The following STK39 variants were observed in gnomAD, a reference collection of about 807,000 sequenced individuals.
The protein encoded by STK39 is serine/threonine kinase 39, also known as STE20/SPS1-related proline-alanine-rich protein kinase.
Under a neutral mutation model 77.8 loss-of-function variants are expected in STK39, and 20 were observed. The observed-to-expected ratio is 0.26, with a 90% CI of 0.18 to 0.37. The LOEUF is 0.37. Among genes scored for constraint, STK39 ranks in the 10% least tolerant of loss-of-function variants. The pLI, the probability that STK39 is intolerant of heterozygous loss-of-function variation, is 1.00. For synonymous variants in STK39, 246 were observed against 234.1 expected (o/e 1.05, Z -0.47); for missense variants, 479 against 656.5 (o/e 0.73, Z 2.95).
chr2:167,967,960 C>T (rs1412720150), intron 16 of STK39, among the ~76,000 whole-genome samples: 1 of 147,972 alleles, frequency 6.8e-6, no homozygotes, highest in Non-Finnish European at 1.5e-5. Flanking sequence ...CTTCCCCCCT[C>T]AAGTAGGCCC....
At chr2:168,092,909 T>C (rs1422553613) in intron 10 of STK39, among the ~76,000 whole-genome samples, 4 of 152,208 alleles carry the variant, frequency 2.6e-5, no homozygotes, top group Non-Finnish European at 4.4e-5. Flanking sequence ...GGCTACGCAC[T>C]CCCAGGGTAC....
At chr2:168,045,854 G>C (rs1460675849) in intron 14 of STK39, among the ~76,000 whole-genome samples, 5 of 152,122 alleles carry the variant, frequency 3.3e-5, no homozygotes, top group Admixed American at 3.3e-4. Flanking sequence ...ATGGGGAAGG[G>C]GTAAAGAATG....
At chr2:168,029,535 T>C (rs1684781445) in intron 14 of STK39, among the ~76,000 whole-genome samples, 1 of 152,184 alleles carries the variant, frequency 6.6e-6, no homozygotes, top group Non-Finnish European at 1.5e-5. Flanking sequence ...AGTGATGGCA[T>C]TTCTGCTGGG....
rs116406927 is a variant in STK39 at position 168,018,174 on chromosome 2, C to G, written c.1377-1079G>C. 4.1e-3 allele frequency among the ~76,000 whole-genome samples: 627 copies of G among 152,178 alleles called. 10 individuals carry two copies. Among genetic ancestry groups the G allele is most frequent in the African/African-American group, 0.013 (548 of 41,530 alleles). On this transcript the variant is annotated intron_variant, in intron 14 of 17. Coordinates refer to ENST00000355999, the MANE Select transcript of STK39 (RefSeq NM_013233.3). ...AAAATATTATAAGTATCAACAGATG[C>G]TAGAATTAAGGTTAATAAAAACATC...
intron 14 of STK39, among the ~76,000 whole-genome samples, chr2:168,037,800 C>T (rs549446357): frequency 8.5e-5 from 13 of 152,136 alleles, no homozygotes; most frequent in South Asian, 8.3e-4. Flanking sequence ...AGTGATGGTC[C>T]GATGGGTAAT....
chr2:168,016,040 G>A (rs969059141), intron 15 of STK39, among the ~76,000 whole-genome samples: 2 of 152,136 alleles, frequency 1.3e-5, no homozygotes, highest in African/African-American at 4.8e-5. Context: ...TGATTCTCTT[G>A]CCTCAGCCTC....
intron 8 of STK39, among the ~76,000 whole-genome samples, chr2:168,134,696 C>T (rs1687787586): frequency 6.6e-6 from 1 of 152,144 alleles, no homozygotes; most frequent in Admixed American, 6.5e-5. Flanking sequence ...TGCAACACCC[C>T]AGCTCCCTTT....
intron 12 of STK39, among the ~76,000 whole-genome samples, chr2:168,071,100 T>C (rs1379227383): frequency 6.6e-6 from 1 of 152,154 alleles, no homozygotes; most frequent in Non-Finnish European, 1.5e-5. Context: ...CTCATTAAGC[T>C]TTCCTAAAAT....
intron 14 of STK39, among the ~76,000 whole-genome samples, 171 bp from the exon 15 acceptor site, chr2:168,017,266 A>T (rs1198106811): frequency 1.3e-5 from 2 of 152,202 alleles, no homozygotes; most frequent in South Asian, 2.1e-4. Flanking sequence ...AGTAATAATG[A>T]AGAGATTTCT....
chr2:168,106,582 G>C (rs1371730021), intron 10 of STK39, among the ~76,000 whole-genome samples: 1 of 152,138 alleles, frequency 6.6e-6, no homozygotes, highest in Admixed American at 6.6e-5. Context: ...CACTTTGGGA[G>C]GCCAAGGCAG....
At chr2:168,197,784 C>A (rs1689508966) in intron 1 of STK39, among the ~76,000 whole-genome samples, 1 of 152,014 alleles carries the variant, frequency 6.6e-6, no homozygotes, top group Admixed American at 6.6e-5. Flanking sequence ...GCCTATAATC[C>A]CAGCACTTTG....
At position 168,084,150 on chromosome 2, in the gene STK39, T is replaced by C. The variant is rs370312229; in HGVS notation, c.1090-8919A>G. On this transcript the variant is annotated intron_variant, in intron 10 of 17. Transcript: ENST00000355999. Reference sequence around the variant, plus strand: ...AGCCAGAGGCTTAGAATTCAGACAATGGGAAAACATGGAAAGCTTTCAGGT... The same window carrying C: ...AGCCAGAGGCTTAGAATTCAGACAACGGGAAAACATGGAAAGCTTTCAGGT... Among the ~76,000 whole-genome samples the C allele has an allele frequency of 4.6e-5, 7 of 151,882 alleles. No individual in the cohort carries two copies. The East Asian group carries it at 1.4e-3, about 29-fold the overall frequency.
chr2:168,235,886 G>C (rs1157081066), intron 1 of STK39, among the ~76,000 whole-genome samples: 1 of 152,086 alleles, frequency 6.6e-6, no homozygotes, highest in Non-Finnish European at 1.5e-5. Context: ...CCAAGTCTTT[G>C]CTACTGTGAA....
chr2:168,077,292 T>C (rs975387496), intron 10 of STK39, among the ~76,000 whole-genome samples: 3 of 152,180 alleles, frequency 2.0e-5, no homozygotes, highest in African/African-American at 7.2e-5. Flanking sequence ...AAAATTTAGT[T>C]TACGTCCTTT....
At chr2:168,092,360 G>C (rs560127374) in intron 10 of STK39, among the ~76,000 whole-genome samples, 1 of 152,156 alleles carries the variant, frequency 6.6e-6, no homozygotes, top group Non-Finnish European at 1.5e-5. Context: ...ATACTAAAAA[G>C]GGCCATAAAT....
chr2:168,068,844 C>T (rs1674629986), intron 12 of STK39, among the ~76,000 whole-genome samples: 1 of 152,192 alleles, frequency 6.6e-6, no homozygotes, highest in Admixed American at 6.5e-5. Context: ...TTAAATCTCT[C>T]TCTCCATCTC....
At chr2:168,068,439 A>T (rs955692145) in intron 12 of STK39, among the ~76,000 whole-genome samples, 1 of 152,226 alleles carries the variant, frequency 6.6e-6, no homozygotes, top group African/African-American at 2.4e-5. Context: ...CCTGGCAAAA[A>T]CAAGGGACAC....
chr2:167,984,566 T>C (rs1407924650), intron 16 of STK39, among the ~76,000 whole-genome samples: 1 of 152,186 alleles, frequency 6.6e-6, no homozygotes, highest in African/African-American at 2.4e-5. Flanking sequence ...CTTATCCACC[T>C]AAAAGCACAG....
intron 17 of STK39, among the ~76,000 whole-genome samples, chr2:167,956,737 G>GC (rs138624927): frequency 0.63 from 47,246 of 75,232 alleles, 14,618 homozygotes; most frequent in African/African-American, 0.71. Context: ...CTCCCCCCCC[G>GC]CCCCCTCAGA....
Sources: gnomAD v4.1 joint callset for allele counts (sites outside exome capture counted in the v4.1 genomes callset) on GRCh38, gnomAD v4.1.1 for gene constraint, MANE v1.5 for transcripts, NCBI Gene and HGNC (gene_info 2026-07-23, HGNC 2026-07-21) for gene names.